The following NEBL variants were observed in gnomAD, a reference collection of about 807,000 sequenced individuals.
The protein encoded by NEBL is nebulette, also known as LIM and SH3 protein 2.
In NEBL, 122 loss-of-function variants were observed where a neutral mutation model predicts 140.2. The observed-to-expected ratio is 0.87, with a 90% confidence interval of 0.75 to 1.01. NEBL has a LOEUF of 1.01. Ranked by LOEUF, NEBL falls within the 50% of genes least tolerant of loss-of-function variation. The pLI is 0.00. For missense variants in NEBL, 1,365 were observed against 1,231.3 expected, an observed-to-expected ratio of 1.11 and a Z score of -1.62; for synonymous variants, 436 against 398.9, an observed-to-expected ratio of 1.09 and a Z score of -1.11.
chr10:21,103,713 A>C (rs1837581059), intron 2 of NEBL, among the ~76,000 whole-genome samples: 2 of 142,676 alleles, frequency 1.4e-5, no homozygotes, highest in African/African-American at 5.7e-5. Context: ...TATTTTGCAA[A>C]TATTTTCTCC....
At chr10:21,002,673 A>C (rs1326599230) in intron 3 of NEBL, among the ~76,000 whole-genome samples, 2 of 152,112 alleles carry the variant, frequency 1.3e-5, no homozygotes, top group African/African-American at 4.8e-5. Flanking sequence ...GCACACCCTC[A>C]CACAATGGAG....
intron 2 of NEBL, among the ~76,000 whole-genome samples, chr10:21,032,355 C>T (rs552504650): frequency 1.6e-3 from 241 of 152,304 alleles, no homozygotes; most frequent in Non-Finnish European, 2.4e-3. Context: ...CAGCCAAAGG[C>T]ATAATTATAA....
At chr10:20,831,626 G>A in intron 14 of NEBL, 43 bp from the exon 15 acceptor site, 1 of 1,301,116 alleles carries the variant, frequency 7.7e-7, no homozygotes, top group Non-Finnish European at 1.1e-6. Context: ...CCAATCATTT[G>A]AGAAACTGCT....
intron 4 of NEBL, among the ~76,000 whole-genome samples, chr10:20,945,684 G>T (rs1835121083): frequency 1.3e-5 from 2 of 152,124 alleles, no homozygotes. Context: ...ATCCCAAAAT[G>T]CCGTTTAAGA....
At chr10:21,045,751 A>G (rs1239461793) in intron 2 of NEBL, among the ~76,000 whole-genome samples, 2 of 152,238 alleles carry the variant, frequency 1.3e-5, no homozygotes, top group Non-Finnish European at 2.9e-5. Context: ...AAACCCTTGT[A>G]CATTGTTGAT....
chr10:20,905,629 A>T lies in NEBL; in HGVS notation c.357+56043T>A, dbSNP rs138699882. Among the ~76,000 whole-genome samples, 604 of 152,284 alleles carry T rather than the reference A, an allele frequency of 4.0e-3. 6 individuals carry two copies. The highest frequency in any genetic ancestry group is 0.014 in the African/African-American group (570 of 41,566). On this transcript the variant is annotated intron_variant, in intron 4 of 6. Coordinates refer to the NEBL transcript ENST00000417816. Reference sequence around the variant, plus strand: ...GGACACAAAGCCAAACCATGTCACCAATAAATGACCAGATCTCCCCTAGAA... The same window carrying T: ...GGACACAAAGCCAAACCATGTCACCTATAAATGACCAGATCTCCCCTAGAA...
In NEBL at chr10:20,975,499, C is replaced by T. The variant is rs188627038; in HGVS notation, c.250-13720G>A. 1.8e-3 allele frequency among the ~76,000 whole-genome samples: 276 copies of T among 152,244 alleles called. 4 individuals carry two copies. The highest frequency in any genetic ancestry group is 9.9e-3 in the Admixed American group (152 of 15,288). ...TTTCTCTTTGTCAGCACCATCAATA[C>T]ATCAGTAGCAAGAGCTATTATAGGG... On this transcript the variant is annotated intron_variant, in intron 3 of 6. Coordinates refer to the NEBL transcript ENST00000417816.
intron 2 of NEBL, among the ~76,000 whole-genome samples, chr10:21,038,496 CTG>C (rs35253917): frequency 0.6 from 90,414 of 151,766 alleles, 26,958 homozygotes; most frequent in South Asian, 0.66. Flanking sequence ...TTTGCTAAGA[CTG>C]ATGGCTTACA....
At chr10:21,204,473 GAT>G (rs1841794789) in intron 3 of NEBL, among the ~76,000 whole-genome samples, 1 of 151,724 alleles carries the variant, frequency 6.6e-6, no homozygotes, top group Admixed American at 6.6e-5. Flanking sequence ...ATGCGCACAT[GAT>G]GACAGACCAT....
At chr10:21,261,515 C>A (rs1211371412) in intron 1 of NEBL, among the ~76,000 whole-genome samples, 1 of 151,840 alleles carries the variant, frequency 6.6e-6, no homozygotes, top group Non-Finnish European at 1.5e-5. Context: ...TAAAAATCAG[C>A]CAGGCGTGGT....
chr10:20,825,663 CA>C (rs57427509), intron 18 of NEBL, among the ~76,000 whole-genome samples: 143 of 129,876 alleles, frequency 1.1e-3, no homozygotes, highest in Non-Finnish European at 9.8e-4. Flanking sequence ...GACTCTGTCT[CA>C]AAAAAAAAAA....
chr10:21,091,732 C>A (rs1265213229), intron 2 of NEBL, among the ~76,000 whole-genome samples: 2 of 152,178 alleles, frequency 1.3e-5, no homozygotes, highest in African/African-American at 4.8e-5. Flanking sequence ...CTCAAGGGAT[C>A]CTCCCATTTC....
chr10:20,947,136 G>A lies in NEBL; in HGVS notation c.357+14536C>T, dbSNP rs528420494. 3.9e-5 allele frequency among the ~76,000 whole-genome samples: 6 copies of A among 152,284 alleles called. No homozygotes were observed. In the South Asian group the frequency reaches 1.2e-3, roughly 32 times the overall value. ...GAATACACCTTGAAAGTCTGTTTCT[G>A]AATGACTGGGAATTTCAGCAATGCC... On this transcript the variant is annotated intron_variant, in intron 4 of 6. Transcript: ENST00000417816.
chr10:20,923,263 T>C (rs1833681719), intron 4 of NEBL, among the ~76,000 whole-genome samples: 1 of 151,958 alleles, frequency 6.6e-6, no homozygotes, highest in African/African-American at 2.4e-5. Flanking sequence ...AGATGAGGTT[T>C]TGCCATGTTG....
chr10:21,208,790 C>A (rs1841870343), intron 3 of NEBL, among the ~76,000 whole-genome samples: 1 of 151,898 alleles, frequency 6.6e-6, no homozygotes, highest in African/African-American at 2.4e-5. Flanking sequence ...GCCCTACAAC[C>A]CCACTTAACT....
At chr10:21,064,595 T>C (rs1369911149) in intron 2 of NEBL, among the ~76,000 whole-genome samples, 1 of 152,240 alleles carries the variant, frequency 6.6e-6, no homozygotes, top group African/African-American at 2.4e-5. Flanking sequence ...TAAATGTATG[T>C]TGCTCCTTTA....
At chr10:20,840,247 G>T (rs141478419) in intron 13 of NEBL, among the ~76,000 whole-genome samples, 103 of 152,206 alleles carry the variant, frequency 6.8e-4, no homozygotes, top group African/African-American at 2.4e-3. Context: ...AGGATTACAG[G>T]ACTGAAAACA....
At chr10:21,009,203 G>T (rs1838244070) in intron 3 of NEBL, among the ~76,000 whole-genome samples, 1 of 152,032 alleles carries the variant, frequency 6.6e-6, no homozygotes, top group Non-Finnish European at 1.5e-5. Context: ...CTCTATGACT[G>T]CCTAATTAAA....
chr10:21,230,667 T>A (rs1028751144), intron 3 of NEBL, among the ~76,000 whole-genome samples: 12 of 149,482 alleles, frequency 8.0e-5, no homozygotes, highest in African/African-American at 3.0e-4. Flanking sequence ...TGCAGCGGCG[T>A]GATCTTGGTT....
Sources: gnomAD v4.1 joint callset for allele counts (sites outside exome capture counted in the v4.1 genomes callset) on GRCh38, gnomAD v4.1.1 for gene constraint, MANE v1.5 for transcripts, NCBI Gene and HGNC (gene_info 2026-07-23, HGNC 2026-07-21) for gene names.